Variants in SLC35D4 observed in about 807,000 individuals in gnomAD.
SLC35D4 encodes solute carrier family 35 member D4.
At chr18:23,338,549 G>A in the SLC35D4 span, among the ~76,000 whole-genome samples, 1 of 152,106 alleles carries the variant, frequency 6.6e-6, no homozygotes, top group African/African-American at 2.4e-5. Context: ...GAAAGTGGCA[G>A]ACAAGACTCA....
At chr18:23,280,174 G>A in the SLC35D4 span, among the ~76,000 whole-genome samples, 2 of 151,834 alleles carry the variant, frequency 1.3e-5, no homozygotes, top group African/African-American at 4.9e-5. Context: ...GGCTGAGCTT[G>A]TGCTTGCAGA....
the SLC35D4 span, among the ~76,000 whole-genome samples, chr18:23,289,411 C>A: frequency 6.6e-6 from 1 of 152,266 alleles, no homozygotes; most frequent in Non-Finnish European, 1.5e-5. Flanking sequence ...CAGGCCATCA[C>A]CAATAATTCT....
chr18:23,254,943 GA>G, the SLC35D4 span, among the ~76,000 whole-genome samples: 15 of 152,338 alleles, frequency 9.8e-5, no homozygotes, highest in Non-Finnish European at 1.6e-4. Flanking sequence ...GGAAGCCCTG[GA>G]ATTGGTCGGG....
chr18:23,387,928 G>A, the SLC35D4 span, among the ~76,000 whole-genome samples: 1 of 151,848 alleles, frequency 6.6e-6, no homozygotes, highest in Non-Finnish European at 1.5e-5. Flanking sequence ...TTTAAAGTTG[G>A]CTTTCTCCAT....
the SLC35D4 span, among the ~76,000 whole-genome samples, chr18:23,306,632 A>G: frequency 2.6e-5 from 4 of 152,324 alleles, no homozygotes; most frequent in South Asian, 6.2e-4. Context: ...AGAGTCAGGC[A>G]TTATTTGAGC....
the SLC35D4 span, among the ~76,000 whole-genome samples, chr18:23,269,210 G>T: frequency 2.6e-5 from 4 of 152,158 alleles, no homozygotes; most frequent in Non-Finnish European, 4.4e-5. Context: ...ATGTGACATG[G>T]GAGGGACCCA....
the SLC35D4 span, chr18:23,352,371 A>G: frequency 9.2e-7 from 1 of 1,085,678 alleles, no homozygotes; most frequent in East Asian, 2.7e-5. Context: ...ACATTTTACC[A>G]ATCAATTTCA....
the SLC35D4 span, among the ~76,000 whole-genome samples, chr18:23,323,826 C>T: frequency 6.6e-6 from 1 of 152,090 alleles, no homozygotes; most frequent in Non-Finnish European, 1.5e-5. Context: ...CGACTGTAAT[C>T]CCAGTACTTT....
At chr18:23,387,795 TA>T in the SLC35D4 span, among the ~76,000 whole-genome samples, 1 of 152,236 alleles carries the variant, frequency 6.6e-6, no homozygotes, top group Admixed American at 6.5e-5. Flanking sequence ...TTTTTTCTTT[TA>T]AAATAGAACT....
chr18:23,384,848 GT>G, the SLC35D4 span: 1 of 648,404 alleles, frequency 1.5e-6, no homozygotes, highest in Admixed American at 2.7e-5. Flanking sequence ...GTGTCCCATG[GT>G]ATCATTGATC....
chr18:23,364,117 C>T, the SLC35D4 span, among the ~76,000 whole-genome samples: 1 of 152,144 alleles, frequency 6.6e-6, no homozygotes, highest in Non-Finnish European at 1.5e-5. Flanking sequence ...AGGTAAAATA[C>T]CAACTGAAAG....
the SLC35D4 span, among the ~76,000 whole-genome samples, chr18:23,377,286 C>T: frequency 3.9e-5 from 6 of 152,154 alleles, no homozygotes; most frequent in Non-Finnish European, 7.4e-5. Flanking sequence ...TTTTCCACCA[C>T]GGAAAATATT....
the SLC35D4 span, among the ~76,000 whole-genome samples, chr18:23,382,550 T>C: frequency 1.4e-5 from 2 of 144,690 alleles, no homozygotes; most frequent in South Asian, 4.3e-4. Flanking sequence ...ACTTATTTTA[T>C]GTATTAGGGA....
the SLC35D4 span, among the ~76,000 whole-genome samples, chr18:23,274,722 C>A: frequency 6.6e-6 from 1 of 152,202 alleles, no homozygotes; most frequent in Admixed American, 6.5e-5. Flanking sequence ...CACGCAAGGG[C>A]CAGGGCAGCC....
the SLC35D4 span, among the ~76,000 whole-genome samples, chr18:23,239,533 C>G: frequency 6.6e-6 from 1 of 152,236 alleles, no homozygotes; most frequent in African/African-American, 2.4e-5. Context: ...GGGTTACAGG[C>G]CGTTTCTCAT....
At chr18:23,332,596 T>A in the SLC35D4 span, among the ~76,000 whole-genome samples, 1,098 of 152,298 alleles carry the variant, frequency 7.2e-3, 14 homozygotes, top group African/African-American at 0.025. Context: ...CAACCAAATA[T>A]AAACTGAAAG....
the SLC35D4 span, among the ~76,000 whole-genome samples, chr18:23,266,507 C>T: frequency 2.6e-5 from 4 of 152,178 alleles, no homozygotes; most frequent in Admixed American, 6.5e-5. Flanking sequence ...ATTCAGATTC[C>T]ATTCCGTTCT....
At chr18:23,409,851 A>C in the SLC35D4 span, among the ~76,000 whole-genome samples, 1 of 59,210 alleles carries the variant, frequency 1.7e-5, no homozygotes, top group East Asian at 4.8e-4. Flanking sequence ...CTCTTAAAAA[A>C]AAAAAAAAAA....
At chr18:23,385,296 A>G in the SLC35D4 span, among the ~76,000 whole-genome samples, 1 of 152,212 alleles carries the variant, frequency 6.6e-6, no homozygotes, top group African/African-American at 2.4e-5. Context: ...CAAACATTTA[A>G]GTCTCCTGTG....
Sources: allele counts gnomAD v4.1 joint callset (sites outside exome capture counted in the v4.1 genomes callset), GRCh38; gene constraint gnomAD v4.1.1; transcripts MANE v1.5; gene names NCBI Gene and HGNC (gene_info 2026-07-23, HGNC 2026-07-21).